The following FUT8 variants were observed in gnomAD, a reference collection of about 807,000 sequenced individuals.
The protein encoded by FUT8 is fucosyltransferase 8.
Under a neutral mutation model 71.3 loss-of-function variants are expected in FUT8, and 29 were observed. The observed-to-expected ratio is 0.41, with a 90% CI of 0.30 to 0.55. The LOEUF (loss-of-function observed/expected upper bound fraction) is 0.55. FUT8 is among the 20% of genes least tolerant of loss of function. The pLI, the probability that FUT8 is intolerant of heterozygous loss-of-function variation, is 0.34. For missense variants in FUT8, 544 were observed against 702.1 expected (o/e 0.77, Z 2.55); for synonymous variants, 254 against 239.3 (o/e 1.06, Z -0.57).
the FUT8 span, among the ~76,000 whole-genome samples, chr14:65,369,564 C>T: frequency 2.0e-5 from 3 of 152,084 alleles, no homozygotes; most frequent in East Asian, 5.8e-4. The surrounding 1 kb of genome is among the most constrained non-coding windows in gnomAD (Gnocchi z 4.6). Context: ...GGAAGCTGGC[C>T]AAAACCCACC....
chr14:65,646,725 TC>T (rs999500052), intron 6 of FUT8: 4 of 151,912 alleles, frequency 2.6e-5, no homozygotes, highest in African/African-American at 9.7e-5. Context: ...CCTCTATCCC[TC>T]CCCTCTAATT....
chr14:65,410,919 A>G (rs71420498), upstream of FUT8: 4,774 of 152,188 alleles, frequency 0.031, 97 homozygotes, highest in Middle Eastern at 0.054. Context: ...AAAAAAAAAA[A>G]GTTACGCTTG....
At chr14:65,644,322 A>C (rs1566871501) in intron 6 of FUT8, among the ~76,000 whole-genome samples, 1 of 151,556 alleles carries the variant, frequency 6.6e-6, no homozygotes, top group South Asian at 2.1e-4. Context: ...ACGGAGTCTC[A>C]CTCTGTCACC....
chr14:65,410,154 G>A (rs904804468), upstream of FUT8, among the ~76,000 whole-genome samples: 4 of 152,202 alleles, frequency 2.6e-5, no homozygotes, highest in Non-Finnish European at 5.9e-5. Context: ...GAACGACTGA[G>A]TTCTAGGAAT....
At chr14:65,452,659 A>G (rs973884216) in intron 1 of FUT8, among the ~76,000 whole-genome samples, 2 of 152,206 alleles carry the variant, frequency 1.3e-5, no homozygotes, top group Admixed American at 1.3e-4. Context: ...ACTACTGATC[A>G]ATACATGCCT....
At position 65,472,715 on chromosome 14, in the gene FUT8, T is replaced by C. The variant is rs1386802564; in HGVS notation, c.-228+16997T>C. ...TTTGGATTTATGGAACCAATTAATT[T>C]GATGACTCATTTACATTGAATTTCT... On this transcript the variant is annotated intron_variant, in intron 2 of 10. Coordinates refer to ENST00000673929, the MANE Select transcript of FUT8 (RefSeq NM_001371533.1). This position sits in a 1 kb window ranked among gnomAD's most constrained non-coding sequence, Gnocchi z 4.4. Among the ~76,000 whole-genome samples the C allele has an allele frequency of 6.6e-6, 1 of 152,192 alleles. No homozygotes were observed. Among genetic ancestry groups the C allele is most frequent in the Non-Finnish European group, 1.5e-5 (1 of 68,030 alleles).
At chr14:65,420,276 T>A (rs556394429) in intron 1 of FUT8, among the ~76,000 whole-genome samples, 1 of 152,278 alleles carries the variant, frequency 6.6e-6, no homozygotes, top group Admixed American at 6.5e-5. Flanking sequence ...ATCCTTTTTT[T>A]ATTTTTATTT....
chr14:65,644,960 A>T (rs1473749187), intron 6 of FUT8, among the ~76,000 whole-genome samples: 2 of 152,194 alleles, frequency 1.3e-5, no homozygotes, highest in East Asian at 3.9e-4. Flanking sequence ...GGCCATTTTC[A>T]ACAGTGAAAT....
intron 2 of FUT8, among the ~76,000 whole-genome samples, chr14:65,526,747 G>A (rs573570614): frequency 6.6e-6 from 1 of 152,090 alleles, no homozygotes; most frequent in East Asian, 1.9e-4. Flanking sequence ...AGCTCTTGTA[G>A]GGCAGGCCTG....
chr14:65,524,794 ATTTTGTCAAAGGCCT>A (rs1883332971), intron 2 of FUT8, among the ~76,000 whole-genome samples: 1 of 152,088 alleles, frequency 6.6e-6, no homozygotes, highest in Non-Finnish European at 1.5e-5. Context: ...GAGTTGTTGA[ATTTTGTCAAAGGCCT>A]TTTCTGCATC....
chr14:65,703,421 T>C (rs1263692934), intron 7 of FUT8, among the ~76,000 whole-genome samples: 1 of 152,256 alleles, frequency 6.6e-6, no homozygotes, highest in African/African-American at 2.4e-5. Context: ...GGATAAAATA[T>C]AGCCATTTTT....
chr14:65,628,842 G>A (rs550382099), intron 5 of FUT8, among the ~76,000 whole-genome samples: 87 of 152,276 alleles, frequency 5.7e-4, no homozygotes, highest in African/African-American at 2.0e-3. Flanking sequence ...ACCAAATCTG[G>A]CTCATTGCCT....
intron 6 of FUT8, among the ~76,000 whole-genome samples, chr14:65,629,845 C>T (rs1428685733): frequency 6.6e-6 from 1 of 151,296 alleles, no homozygotes; most frequent in Non-Finnish European, 1.5e-5. Context: ...CACACACACA[C>T]ACACACACAC....
At chr14:65,540,733 T>C (rs1884629974) in intron 2 of FUT8, among the ~76,000 whole-genome samples, 1 of 152,160 alleles carries the variant, frequency 6.6e-6, no homozygotes, top group Non-Finnish European at 1.5e-5. Flanking sequence ...GATGGAATGG[T>C]TTATGTACAC....
At chr14:65,684,718 C>T (rs958326419) in intron 7 of FUT8, among the ~76,000 whole-genome samples, 2 of 152,128 alleles carry the variant, frequency 1.3e-5, no homozygotes, top group African/African-American at 4.8e-5. Flanking sequence ...TCACACACTT[C>T]GTAAGCATCT....
At chr14:65,407,628 G>A (rs778133721), upstream of FUT8, among the ~76,000 whole-genome samples, 2 of 152,164 alleles carry the variant, frequency 1.3e-5, no homozygotes, top group Non-Finnish European at 2.9e-5. Context: ...AGTGCTTCTT[G>A]AGACATATCT....
At chr14:65,599,623 A>G (rs1312947780) in intron 3 of FUT8, among the ~76,000 whole-genome samples, 1 of 152,218 alleles carries the variant, frequency 6.6e-6, no homozygotes, top group African/African-American at 2.4e-5. Context: ...CCAGACATCT[A>G]GAGATACTCT....
chr14:65,435,944 T>A (rs1484473506), intron 1 of FUT8, among the ~76,000 whole-genome samples: 1 of 149,356 alleles, frequency 6.7e-6, no homozygotes, highest in Non-Finnish European at 1.5e-5. Flanking sequence ...TTTTTTTCTT[T>A]AAAAGACAGA....
rs78679317 is a variant in FUT8 at position 65,529,975 on chromosome 14, T to A, written c.-227-31362T>A. On this transcript the variant is annotated intron_variant, in intron 2 of 10. Transcript: ENST00000673929. ...GTGAGCTCTGGAAATTACTCAGCAC[T>A]AACTACATCATAATTTTTCTTTCCT... Among the ~76,000 whole-genome samples, 52 of 152,330 alleles carry A rather than the reference T, an allele frequency of 3.4e-4. 1 individual carries two copies. The East Asian group carries it at 8.9e-3, about 26-fold the overall frequency.
Sources: allele counts gnomAD v4.1 joint callset (sites outside exome capture counted in the v4.1 genomes callset), GRCh38; gene constraint gnomAD v4.1.1; non-coding constraint Gnocchi (gnomAD v3.1); transcripts MANE v1.5; gene names NCBI Gene and HGNC (gene_info 2026-07-23, HGNC 2026-07-21).